Variants in EMC8 observed in about 807,000 individuals in gnomAD.
EMC8 encodes the protein COX4 neighbor.
In EMC8, 11 loss-of-function variants were observed where a neutral mutation model predicts 24.3. That is an observed-to-expected ratio of 0.45 (90% CI 0.28 to 0.75). The LOEUF is 0.75. EMC8 is among the 30% of genes least tolerant of loss of function. The pLI is 0.12. For missense variants in EMC8, 277 were observed against 282.7 expected (o/e 0.98, Z 0.14); for synonymous variants, 145 against 117.7 (o/e 1.23, Z -1.50).
chr16:85,780,527 C>T (rs569607555), intron 3 of EMC8, 54 bp from the exon 4 acceptor site: 35 of 1,341,298 alleles, frequency 2.6e-5, no homozygotes, highest in East Asian at 2.3e-4. Flanking sequence ...CAAACAGCAG[C>T]GGCAGGCGCC....
intron 1 of EMC8, among the ~76,000 whole-genome samples, chr16:85,794,938 G>C (rs1248698086): frequency 6.6e-6 from 1 of 152,184 alleles, no homozygotes; most frequent in African/African-American, 2.4e-5. Context: ...GGCAGTCACT[G>C]TCCCCTCTGG....
At chr16:85,781,614 C>CTTTTTTTTTTTTTTT (rs10673082) in intron 2 of EMC8, 1 of 129,096 alleles carries the variant, frequency 7.7e-6, no homozygotes, top group Non-Finnish European at 1.5e-5. Context: ...TTTTTTTTTG[C>CTTTTTTTTTTTTTTT]TTTTTTTTTT....
chr16:85,788,345 G>A (rs764605885), intron 2 of EMC8, among the ~76,000 whole-genome samples: 8 of 152,232 alleles, frequency 5.3e-5, no homozygotes, highest in Admixed American at 1.3e-4. Flanking sequence ...CCCCCTGTGC[G>A]TTATCTACGG....
At position 85,779,125 on chromosome 16, in the gene EMC8, T is replaced by C. The variant is rs1471655002; in HGVS notation, c.*583A>G. On this transcript the variant is annotated 3_prime_UTR_variant, in exon 5 of 5. Coordinates refer to ENST00000253457, the MANE Select transcript of EMC8 (RefSeq NM_006067.5). ...GTGGTGTCACTCCCGCTGGGCAGAG[T>C]TGCGGTGGCTCTGTGAGCCGACACC... is the stretch of plus-strand genomic sequence containing the variant. The C allele has an allele frequency of 6.6e-6, 1 of 152,178 alleles. No individual in the cohort carries two copies. Among genetic ancestry groups the C allele is most frequent in the African/African-American group, 2.4e-5 (1 of 41,384 alleles). The allele number at this position is 152,178 out of a possible 1,614,324, so 9.4% of individuals were successfully genotyped here.
At chr16:85,783,300 CA>C (rs5818556) in intron 2 of EMC8, among the ~76,000 whole-genome samples, 151,000 of 151,088 alleles carry the variant, frequency 1, 75,456 homozygotes, top group Middle Eastern at 1. Flanking sequence ...GACTCCACGT[CA>C]AAAAAAAAAG....
intron 1 of EMC8, among the ~76,000 whole-genome samples, chr16:85,790,590 T>G (rs1904957339): frequency 6.6e-6 from 1 of 152,212 alleles, no homozygotes. Flanking sequence ...AGGGGCTTGC[T>G]CTAAATTTGG....
rs1597205593 is a variant in EMC8 at position 85,789,555 on chromosome 16, G to A, written c.232-505C>T. Among the ~76,000 whole-genome samples, 6 of 152,270 alleles carry A rather than the reference G, an allele frequency of 3.9e-5. No homozygotes were observed. In the South Asian group the frequency reaches 1.2e-3, roughly 32 times the overall value. ...ACCTGTAATCCCAGCACTTTGGGAG[G>A]CTGAGGTGGGCGGATCACCTGAGGT... On this transcript the variant is annotated intron_variant, in intron 1 of 4. Coordinates refer to ENST00000253457, the MANE Select transcript of EMC8 (RefSeq NM_006067.5).
chr16:85,797,238 T>C (rs1035585313), intron 1 of EMC8, among the ~76,000 whole-genome samples: 2 of 152,110 alleles, frequency 1.3e-5, no homozygotes, highest in Non-Finnish European at 2.9e-5. Flanking sequence ...TGAAACCCCA[T>C]CTCTACTAAA....
chr16:85,782,179 C>G (rs1055092281), intron 2 of EMC8, among the ~76,000 whole-genome samples: 6 of 152,222 alleles, frequency 3.9e-5, no homozygotes, highest in Non-Finnish European at 1.5e-5. Context: ...CCTTCTCCAT[C>G]TGCACGCTAG....
intron 1 of EMC8, among the ~76,000 whole-genome samples, chr16:85,795,665 A>G (rs1036699658): frequency 6.6e-6 from 1 of 152,164 alleles, no homozygotes; most frequent in Non-Finnish European, 1.5e-5. Flanking sequence ...ACCTCGCCCT[A>G]TGTGTCTCTT....
chr16:85,793,488 C>A (rs1229986879), intron 1 of EMC8, among the ~76,000 whole-genome samples: 1 of 152,066 alleles, frequency 6.6e-6, no homozygotes, highest in African/African-American at 2.4e-5. Context: ...GGGTGAAGTT[C>A]AGGGGGAAGA....
chr16:85,799,187 G>A lies in EMC8; in HGVS notation c.109C>T (p.Pro37Ser). The change falls in exon 1 of 5, where the codon CCG becomes TCG. Residue 37 changes from proline to serine, a missense_variant. Coordinates refer to ENST00000253457, the MANE Select transcript of EMC8 (RefSeq NM_006067.5). The surrounding 1 kb of genome is among the most constrained non-coding windows in gnomAD (Gnocchi z 4.2). Reference sequence around the variant, plus strand: ...CCCAGGGGGAGGTGCTCCTTACGCGGCTTCTGCTTCTCGGCCACCAGGAGC... The same window carrying A: ...CCCAGGGGGAGGTGCTCCTTACGCGACTTCTGCTTCTCGGCCACCAGGAGC... ...NGLLVAEKQK[P>S]RKEHLPLGGP... The A allele has an allele frequency of 1.9e-6, 3 of 1,612,882 alleles. No individual in the cohort carries two copies. The highest frequency in any genetic ancestry group is 2.5e-6 in the Non-Finnish European group (3 of 1,179,622).
At chr16:85,795,695 G>C (rs1194488841) in intron 1 of EMC8, among the ~76,000 whole-genome samples, 3 of 152,124 alleles carry the variant, frequency 2.0e-5, no homozygotes, top group African/African-American at 7.2e-5. Flanking sequence ...CCTTTGCAGT[G>C]TCCTGTATAA....
chr16:85,779,573 C>T lies in EMC8; in HGVS notation c.*135G>A. 1 of 882,086 alleles carries T rather than the reference C, an allele frequency of 1.1e-6. No individual in the cohort carries two copies. Among genetic ancestry groups the T allele is most frequent in the Non-Finnish European group, 1.8e-6 (1 of 564,186 alleles). 54.6% of individuals were successfully genotyped at this position (882,086 alleles called of 1,614,324 possible). On this transcript the variant is annotated 3_prime_UTR_variant, in exon 5 of 5. Coordinates refer to ENST00000253457, the MANE Select transcript of EMC8 (RefSeq NM_006067.5). Reference sequence around the variant, plus strand: ...CACGACCGACTGAACATTCTGCCCCCTTTCAAGGCACATGCCACTTCTTAA... The same window carrying T: ...CACGACCGACTGAACATTCTGCCCCTTTTCAAGGCACATGCCACTTCTTAA...
intron 1 of EMC8, among the ~76,000 whole-genome samples, chr16:85,793,341 A>G (rs1159482586): frequency 6.6e-6 from 1 of 152,200 alleles, no homozygotes; most frequent in Non-Finnish European, 1.5e-5. Flanking sequence ...TAGGCCTTGG[A>G]GTTCAGAAGT....
chr16:85,792,713 G>A (rs1324840545), intron 1 of EMC8: 3 of 152,232 alleles, frequency 2.0e-5, no homozygotes, highest in African/African-American at 7.2e-5. Context: ...CAGCCCAAAT[G>A]GCTCCTGCAT....
chr16:85,781,462 G>C, intron 2 of EMC8, 182 bp from the exon 3 acceptor site: 2 of 578,756 alleles, frequency 3.5e-6, no homozygotes, highest in South Asian at 1.9e-5. Context: ...ATAGGGTCTT[G>C]CTCTGCTGCC....
chr16:85,793,015 T>C (rs1161059692), intron 1 of EMC8: 1 of 152,246 alleles, frequency 6.6e-6, no homozygotes, highest in Non-Finnish European at 1.5e-5. Flanking sequence ...GCAATTTCAT[T>C]TACTTTTTAG....
intron 4 of EMC8, 111 bp downstream of exon 4, chr16:85,780,268 T>C: frequency 1.3e-6 from 1 of 774,040 alleles, no homozygotes; most frequent in Middle Eastern, 2.9e-4. Flanking sequence ...ATGCTTGGTA[T>C]CATGCTTCTG....
Sources: allele counts gnomAD v4.1 joint callset (sites outside exome capture counted in the v4.1 genomes callset), GRCh38; gene constraint gnomAD v4.1.1; non-coding constraint Gnocchi (gnomAD v3.1); transcripts MANE v1.5; gene names NCBI Gene and HGNC (gene_info 2026-07-23, HGNC 2026-07-21).